Variants in LACTBL1 observed in about 807,000 individuals in gnomAD.
LACTBL1 encodes lactamase beta like 1, also known as beta-lactamase-like protein 1.
Under a neutral mutation model 39.6 loss-of-function variants are expected in LACTBL1, and 29 were observed. That is an observed-to-expected ratio of 0.73 (90% CI 0.55 to 1.00). The LOEUF (loss-of-function observed/expected upper bound fraction) is 1.00, where lower values mean the gene tolerates loss of function less well. Ranked by LOEUF, LACTBL1 falls within the 50% of genes least tolerant of loss-of-function variation. LACTBL1 has a pLI of 0.00. For synonymous variants in LACTBL1, 361 were observed against 360.7 expected, an observed-to-expected ratio of 1.00 and a Z score of -0.01; for missense variants, 711 against 748.5, an observed-to-expected ratio of 0.95 and a Z score of 0.59.
rs549749169 is a variant in LACTBL1 at position 22,953,463 on chromosome 1, G to T, written c.1221C>A (p.Pro407=). The change falls in exon 6 of 6, where the codon CCC becomes CCA. Residue 407 remains proline, a synonymous_variant. Coordinates refer to ENST00000426928, the Ensembl canonical transcript of LACTBL1. ...CCTCCCGGAGGGCGCGCTCCAGGGC[G>T]GGCAGGAGCTCATCGTAGGCCCGCG... 4.5e-5 allele frequency: 55 copies of T among 1,227,544 alleles called. No homozygotes were observed. In the African/African-American group the frequency reaches 6.7e-4, roughly 15 times the overall value. 76.0% of individuals were successfully genotyped at this position (1,227,544 alleles called of 1,614,324 possible).
chr1:22,964,768 C>T lies in LACTBL1; in HGVS notation c.49+522G>A, dbSNP rs188509745. 1.6e-4 allele frequency among the ~76,000 whole-genome samples: 24 copies of T among 152,304 alleles called. No individual in the cohort carries two copies. The East Asian group carries it at 4.1e-3, about 26-fold the overall frequency. On this transcript the variant is annotated intron_variant, in intron 1 of 5. Coordinates refer to ENST00000426928, the Ensembl canonical transcript of LACTBL1. ...AGTGTCCACAGTGGTGCTCCTCCTG[C>T]TTTAATTGGCAAACAAAGGGCCTGG...
chr1:22,957,370 A>T (rs1298851761), intron 4 of LACTBL1, among the ~76,000 whole-genome samples: 1 of 152,188 alleles, frequency 6.6e-6, no homozygotes, highest in Admixed American at 6.6e-5. Flanking sequence ...TACATCTGTA[A>T]GAGAATTTCC....
intron 2 of LACTBL1, among the ~76,000 whole-genome samples, chr1:22,961,467 G>A (rs913393576): frequency 1.3e-5 from 2 of 152,134 alleles, no homozygotes; most frequent in African/African-American, 4.8e-5. Flanking sequence ...GGGTTCAAGC[G>A]ATTCTCCTGC....
exon 6 of LACTBL1, chr1:22,953,164 C>T (rs919755276): frequency 2.4e-6 from 3 of 1,232,050 alleles, no homozygotes; most frequent in Non-Finnish European, 3.0e-6. Context: ...GACCAGCTGC[C>T]CGTGCTGGGC....
exon 6 of LACTBL1, chr1:22,953,055 G>T (rs762723978): frequency 1.6e-6 from 2 of 1,232,322 alleles, no homozygotes; most frequent in Non-Finnish European, 2.0e-6. Context: ...ACTGGGTCTT[G>T]AACACCGGCT....
intron 2 of LACTBL1, among the ~76,000 whole-genome samples, 190 bp from the exon 5 acceptor site, chr1:22,960,289 C>T (rs897874201): frequency 6.6e-6 from 1 of 152,140 alleles, no homozygotes; most frequent in Non-Finnish European, 1.5e-5. Flanking sequence ...GAAACAGTTT[C>T]TTAGCAAAAT....
chr1:22,957,141 T>C (rs1223322384), intron 4 of LACTBL1, among the ~76,000 whole-genome samples: 1 of 152,212 alleles, frequency 6.6e-6, no homozygotes, highest in Non-Finnish European at 1.5e-5. Context: ...ACATGCTTTT[T>C]TCCTACTTAG....
At chr1:22,970,080 G>A (rs957364690), upstream of LACTBL1, among the ~76,000 whole-genome samples, 2 of 152,174 alleles carry the variant, frequency 1.3e-5, no homozygotes, top group African/African-American at 2.4e-5. Flanking sequence ...TTGGCTACTT[G>A]TAAAGAGTTT....
At chr1:22,953,700 C>A (rs1204338410) in exon 6 of LACTBL1, 19 of 1,305,892 alleles carry the variant, frequency 1.5e-5, no homozygotes, top group South Asian at 4.7e-5. Flanking sequence ...GCGCCAGCAG[C>A]GTCTTGGCCG....
chr1:22,972,547 C>T, the LACTBL1 span: 1 of 480,010 alleles, frequency 2.1e-6, no homozygotes, highest in Admixed American at 6.4e-5. Context: ...GTGAGAGAAA[C>T]AGCAAGCTCA....
chr1:22,972,139 AGATGATGATGATGAT>A, the LACTBL1 span, among the ~76,000 whole-genome samples: 81,378 of 148,194 alleles, frequency 0.55, 23,878 homozygotes, highest in East Asian at 0.69. Flanking sequence ...CAAGCTCTAG[AGATGATGATGATGAT>A]GATGATGATG....
upstream of LACTBL1, among the ~76,000 whole-genome samples, chr1:22,966,373 C>T (rs141010147): frequency 7.2e-5 from 11 of 152,312 alleles, no homozygotes; most frequent in East Asian, 2.1e-3. Flanking sequence ...TCCTTGCCTA[C>T]CTCCCTTTCT....
At chr1:22,962,072 C>A (rs1267890256) in intron 2 of LACTBL1, among the ~76,000 whole-genome samples, 1 of 152,154 alleles carries the variant, frequency 6.6e-6, no homozygotes, top group African/African-American at 2.4e-5. Context: ...GAGCCTCTGT[C>A]TCCTTCTCTA....
At chr1:22,970,503 C>T in the LACTBL1 span, among the ~76,000 whole-genome samples, 2 of 152,168 alleles carry the variant, frequency 1.3e-5, no homozygotes, top group African/African-American at 2.4e-5. Flanking sequence ...TGGAACTGTG[C>T]TATATGTTTA....
intron 1 of LACTBL1, among the ~76,000 whole-genome samples, chr1:22,964,998 G>C (rs561812676): frequency 6.6e-6 from 1 of 152,192 alleles, no homozygotes. Flanking sequence ...GGGAAACACC[G>C]TTTGCTCTTC....
exon 6 of LACTBL1, chr1:22,953,273 G>A (rs1488484703): frequency 8.1e-7 from 1 of 1,231,422 alleles, no homozygotes; most frequent in African/African-American, 1.6e-5. Context: ...CGCAGCGCCA[G>A]GGTGCGGAAC....
intron 1 of LACTBL1, 128 bp downstream of exon 3, chr1:22,965,162 G>T: frequency 1.3e-6 from 1 of 742,596 alleles, no homozygotes; most frequent in Non-Finnish European, 1.9e-6. Flanking sequence ...GACTCAGAAT[G>T]GAGTCCAGAG....
chr1:22,966,755 A>G (rs309514), upstream of LACTBL1, among the ~76,000 whole-genome samples: 3,576 of 152,062 alleles, frequency 0.024, 175 homozygotes, highest in African/African-American at 0.082. Flanking sequence ...AACATCCAAA[A>G]CAGAAAACTC....
chr1:22,967,656 G>GAA (rs1640896975), upstream of LACTBL1, among the ~76,000 whole-genome samples: 1 of 152,068 alleles, frequency 6.6e-6, no homozygotes, highest in Non-Finnish European at 1.5e-5. Context: ...GAGAGAGAGA[G>GAA]AGAGAGACAG....
Sources: gnomAD v4.1 joint callset for allele counts (sites outside exome capture counted in the v4.1 genomes callset) on GRCh38, gnomAD v4.1.1 for gene constraint, MANE v1.5 for transcripts, NCBI Gene and HGNC (gene_info 2026-07-23, HGNC 2026-07-21) for gene names.